Variants in CNPY1 observed in about 807,000 individuals in gnomAD.
The protein encoded by CNPY1 is protein canopy homolog 1.
CNPY1 carries 14 observed loss-of-function variants against 14.4 expected under a neutral mutation model. The ratio of observed to expected loss-of-function variants is 0.97; its 90% CI spans 0.64 to 1.52. The LOEUF (loss-of-function observed/expected upper bound fraction) is 1.52, where lower values mean the gene tolerates loss of function less well. CNPY1 is among the 40% of genes most tolerant of loss of function. The pLI is 0.00. For synonymous variants in CNPY1, 43 were observed against 46.5 expected (o/e 0.92, Z 0.31); for missense variants, 129 against 131.5 (o/e 0.98, Z 0.09).
rs1243421205 is a variant in CNPY1, at chr7:155,501,138, T to C, written c.*1930A>G. 1 of 152,164 alleles carries C rather than the reference T, an allele frequency of 6.6e-6. No homozygotes were observed. The highest frequency in any genetic ancestry group is 1.5e-5 in the Non-Finnish European group (1 of 68,026). The allele number at this position is 152,164 out of a possible 1,614,324, so 9.4% of individuals were successfully genotyped here. ...CATGAGATATTAAAAATTTGCAAGA[T>C]ACAAGACTATTTTTAATGGGAAATC... On this transcript the variant is annotated 3_prime_UTR_variant, in exon 5 of 5. Transcript: ENST00000636446.
chr7:155,511,108 TTC>T (rs970810778), intron 2 of CNPY1, among the ~76,000 whole-genome samples: 14 of 152,178 alleles, frequency 9.2e-5, no homozygotes, highest in African/African-American at 2.9e-4. Context: ...AAGAAATTCA[TTC>T]TCTCTCTCCT....
intron 2 of CNPY1, among the ~76,000 whole-genome samples, chr7:155,535,830 G>C (rs187521573): frequency 6.6e-5 from 10 of 152,326 alleles, no homozygotes; most frequent in Admixed American, 5.9e-4. Context: ...GGTGGACGGA[G>C]AGCCAGACTT....
intron 4 of CNPY1, 200 bp downstream of exon 4, chr7:155,506,820 G>T: frequency 3.5e-6 from 2 of 568,728 alleles, no homozygotes; most frequent in Non-Finnish European, 6.2e-6. Context: ...CAAAGAGGAA[G>T]GCCACACAGC....
intron 2 of CNPY1, among the ~76,000 whole-genome samples, chr7:155,526,506 G>C (rs760370243): frequency 6.6e-6 from 1 of 152,130 alleles, no homozygotes; most frequent in African/African-American, 2.4e-5. Context: ...GACAGGGAGA[G>C]TTACTATCCC....
Position 155,536,676 on chromosome 7 carries a change from G to A in CNPY1, c.99+9155C>T, listed in dbSNP as rs6951266. On this transcript the variant is annotated intron_variant, in intron 2 of 4. Transcript: ENST00000636446. The surrounding 1 kb of genome is among the most constrained non-coding windows in gnomAD (Gnocchi z 4.1). ...CCACCTGCTGGATGAACAGGACTCG[G>A]GCTTGGAGGAGGAGGAGCCACAAGA... Among the ~76,000 whole-genome samples the A allele has an allele frequency of 5.3e-3, 807 of 152,226 alleles. 3 individuals are homozygous for A. Among genetic ancestry groups the A allele is most frequent in the African/African-American group, 0.018 (768 of 41,530 alleles).
chr7:155,510,860 AT>A (rs1283396185), intron 2 of CNPY1, among the ~76,000 whole-genome samples: 1 of 152,270 alleles, frequency 6.6e-6, no homozygotes, highest in Non-Finnish European at 1.5e-5. Context: ...ACACGTATTA[AT>A]CACTGGAAAA....
chr7:155,522,467 C>T (rs754594372), intron 2 of CNPY1, among the ~76,000 whole-genome samples: 2 of 152,270 alleles, frequency 1.3e-5, no homozygotes, highest in Admixed American at 6.5e-5. Flanking sequence ...TCCATCCCAG[C>T]TCCAGTTCCT....
intron 4 of CNPY1, among the ~76,000 whole-genome samples, chr7:155,504,710 A>ACACACACACG (rs1330677938): frequency 3.3e-5 from 5 of 152,016 alleles, no homozygotes; most frequent in Middle Eastern, 3.4e-3. Flanking sequence ...ACACACACAC[A>ACACACACACG]CACACACACA....
At chr7:155,531,346 AT>A (rs1311242130) in intron 2 of CNPY1, among the ~76,000 whole-genome samples, 7 of 152,242 alleles carry the variant, frequency 4.6e-5, no homozygotes, top group African/African-American at 1.7e-4. Flanking sequence ...CTAAATGTTG[AT>A]GTTTTTAGAA....
At chr7:155,540,058 G>A (rs1386818591) in intron 2 of CNPY1, among the ~76,000 whole-genome samples, 1 of 152,142 alleles carries the variant, frequency 6.6e-6, no homozygotes, top group Non-Finnish European at 1.5e-5. Context: ...GTGACCTTTA[G>A]GCTTTTCTCT....
intron 2 of CNPY1, among the ~76,000 whole-genome samples, chr7:155,516,837 G>C (rs915660724): frequency 6.6e-6 from 1 of 152,100 alleles, no homozygotes; most frequent in Non-Finnish European, 1.5e-5. Flanking sequence ...GTGACTCCTC[G>C]GCCTCCTAGA....
At chr7:155,546,228 C>T (rs1559546) in intron 1 of CNPY1, among the ~76,000 whole-genome samples, 60,360 of 151,270 alleles carry the variant, frequency 0.4, 12,495 homozygotes, top group Middle Eastern at 0.52. Context: ...ACTCTGTTGC[C>T]CAGGCTGGAG....
In CNPY1 at chr7:155,530,599, G is replaced by A. The variant is rs140679436; in HGVS notation, c.99+15232C>T. On this transcript the variant is annotated intron_variant, in intron 2 of 4. Transcript: ENST00000636446. ...TCTACCTTAGCCTCCCAAAGTGCTG[G>A]GATTATAGGTATGAACCACTGCCAA... is the stretch of plus-strand genomic sequence containing the variant. Among the ~76,000 whole-genome samples, 321 of 152,282 alleles carry A rather than the reference G, an allele frequency of 2.1e-3. 1 individual carries two copies. The highest frequency in any genetic ancestry group is 7.2e-3 in the African/African-American group (301 of 41,556).
chr7:155,529,776 C>CT (rs55718141), intron 2 of CNPY1, among the ~76,000 whole-genome samples: 48,000 of 146,144 alleles, frequency 0.33, 7,739 homozygotes, highest in Middle Eastern at 0.35. Context: ...AGTTTCTTTT[C>CT]TTTTTTTTTT....
chr7:155,509,999 C>T (rs1184407434), intron 2 of CNPY1, among the ~76,000 whole-genome samples: 2 of 152,196 alleles, frequency 1.3e-5, no homozygotes, highest in Non-Finnish European at 2.9e-5. Flanking sequence ...CGCCGGACCG[C>T]GCCGCAGCCC....
At chr7:155,513,442 G>C (rs1559547) in intron 2 of CNPY1, among the ~76,000 whole-genome samples, 82,005 of 151,878 alleles carry the variant, frequency 0.54, 22,218 homozygotes, top group Middle Eastern at 0.64. Context: ...AAATGTTTCA[G>C]TACAATTTAC....
chr7:155,528,088 C>T (rs1194404118), intron 2 of CNPY1, among the ~76,000 whole-genome samples: 1 of 152,212 alleles, frequency 6.6e-6, no homozygotes, highest in African/African-American at 2.4e-5. Context: ...CTCTAGAACA[C>T]ATACGCCCAG....
chr7:155,524,250 G>A (rs923961438), intron 2 of CNPY1, among the ~76,000 whole-genome samples: 10 of 152,278 alleles, frequency 6.6e-5, no homozygotes, highest in Admixed American at 6.5e-4. Flanking sequence ...CAGGCACTGC[G>A]CGAGCCACAC....
rs79954167 is a variant in CNPY1 at position 155,543,664 on chromosome 7, C to T, written c.99+2167G>A. Among the ~76,000 whole-genome samples the T allele has an allele frequency of 5.5e-3, 844 of 152,298 alleles. 3 individuals are homozygous for T. Among genetic ancestry groups the T allele is most frequent in the African/African-American group, 0.019 (803 of 41,544 alleles). On this transcript the variant is annotated intron_variant, in intron 2 of 4. Transcript: ENST00000636446. ...AGGAACTGCTGAGCCACACACCCACCGCCAGGCCATGCTGTTCTCCAACAC... is the reference window on the plus strand; with the variant it reads ...AGGAACTGCTGAGCCACACACCCACTGCCAGGCCATGCTGTTCTCCAACAC...
Sources: allele counts gnomAD v4.1 joint callset (sites outside exome capture counted in the v4.1 genomes callset), GRCh38; gene constraint gnomAD v4.1.1; non-coding constraint Gnocchi (gnomAD v3.1); transcripts MANE v1.5; gene names NCBI Gene and HGNC (gene_info 2026-07-23, HGNC 2026-07-21).